The following SGCZ variants were observed in gnomAD, a reference collection of about 807,000 sequenced individuals.
SGCZ encodes the protein sarcoglycan zeta.
A neutral mutation model predicts 41.3 loss-of-function variants in SGCZ; 40 were observed. The observed-to-expected ratio is 0.97, with a 90% CI of 0.75 to 1.26. The LOEUF (loss-of-function observed/expected upper bound fraction) is 1.26, where lower values mean the gene tolerates loss of function less well. Ranked by LOEUF, SGCZ falls within the 50% of genes most tolerant of loss-of-function variation. The pLI, the probability that SGCZ is intolerant of heterozygous loss-of-function variation, is 0.00. For missense variants in SGCZ, 552 were observed against 369.8 expected (o/e 1.49, Z -4.04); for synonymous variants, 206 against 137.5 (o/e 1.50, Z -3.49).
intron 1 of SGCZ, among the ~76,000 whole-genome samples, chr8:14,890,477 C>T (rs1804970941): frequency 6.6e-6 from 1 of 152,184 alleles, no homozygotes; most frequent in Admixed American, 6.5e-5. Flanking sequence ...AAAGCCCTGA[C>T]TCTGCAATTC....
At chr8:14,986,474 C>T (rs562271071) in intron 1 of SGCZ, among the ~76,000 whole-genome samples, 2 of 152,146 alleles carry the variant, frequency 1.3e-5, no homozygotes, top group South Asian at 4.1e-4. Flanking sequence ...CATTTCAAAT[C>T]CCCAGCAGTA....
intron 5 of SGCZ, among the ~76,000 whole-genome samples, chr8:14,109,173 G>A (rs1343931567): frequency 2.0e-5 from 3 of 152,158 alleles, no homozygotes; most frequent in Non-Finnish European, 4.4e-5. Context: ...AAATTCTGGT[G>A]TTATAGTTGG....
At chr8:14,377,252 C>T (rs185038202) in intron 2 of SGCZ, among the ~76,000 whole-genome samples, 16 of 152,256 alleles carry the variant, frequency 1.1e-4, no homozygotes, top group South Asian at 8.3e-4. Context: ...TCCATAAAAA[C>T]CCTACACAGT....
chr8:14,545,659 G>T (rs1803603676), intron 2 of SGCZ, among the ~76,000 whole-genome samples: 1 of 151,992 alleles, frequency 6.6e-6, no homozygotes. Context: ...AAGGGCAAAT[G>T]GTTTTAATTT....
intron 2 of SGCZ, among the ~76,000 whole-genome samples, chr8:14,474,379 A>C (rs1801299838): frequency 6.6e-6 from 1 of 152,240 alleles, no homozygotes. Flanking sequence ...CTAAATCTAC[A>C]GAAACACACA....
intron 5 of SGCZ, among the ~76,000 whole-genome samples, chr8:14,137,608 G>C (rs948916223): frequency 6.6e-6 from 1 of 152,088 alleles, no homozygotes; most frequent in Non-Finnish European, 1.5e-5. Context: ...ATGACATGAA[G>C]TGAGAAGAGA....
chr8:14,095,797 TCTC>T (rs1462590512), intron 7 of SGCZ, among the ~76,000 whole-genome samples: 1 of 152,180 alleles, frequency 6.6e-6, no homozygotes, highest in African/African-American at 2.4e-5. Context: ...GGCTTGTAGT[TCTC>T]CTTGAAGAGG....
intron 1 of SGCZ, among the ~76,000 whole-genome samples, chr8:14,825,030 C>T (rs1274171561): frequency 2.0e-5 from 3 of 152,132 alleles, no homozygotes; most frequent in African/African-American, 7.2e-5. Flanking sequence ...GTTTCCCACA[C>T]TATACTAAAC....
At chr8:15,070,870 G>T (rs937539601) in intron 1 of SGCZ, among the ~76,000 whole-genome samples, 1 of 152,116 alleles carries the variant, frequency 6.6e-6, no homozygotes, top group Non-Finnish European at 1.5e-5. Context: ...AAACACTGAG[G>T]TGTTCATCTC....
chr8:14,692,805 C>T (rs1808840842), intron 1 of SGCZ, among the ~76,000 whole-genome samples: 1 of 152,172 alleles, frequency 6.6e-6, no homozygotes. Context: ...AATATTTCAT[C>T]TCCTAAAATA....
At chr8:14,932,923 G>A (rs182337917) in intron 1 of SGCZ, among the ~76,000 whole-genome samples, 20 of 152,048 alleles carry the variant, frequency 1.3e-4, no homozygotes, top group East Asian at 3.9e-4. Context: ...TCAAGAGGCC[G>A]TTATCTTAAG....
chr8:14,371,165 A>T (rs1803896227), intron 2 of SGCZ, among the ~76,000 whole-genome samples: 1 of 151,974 alleles, frequency 6.6e-6, no homozygotes, highest in African/African-American at 2.4e-5. Context: ...GGTTTTATTA[A>T]ATTTGGAATT....
chr8:14,522,484 C>T (rs1354527767), intron 2 of SGCZ, among the ~76,000 whole-genome samples: 1 of 151,776 alleles, frequency 6.6e-6, no homozygotes, highest in African/African-American at 2.4e-5. Flanking sequence ...TAAAATAATT[C>T]GTCTATTTCA....
chr8:14,769,818 C>T (rs1163149864), intron 1 of SGCZ, among the ~76,000 whole-genome samples: 1 of 90,052 alleles, frequency 1.1e-5, no homozygotes, highest in Non-Finnish European at 1.9e-5. Context: ...AAAAAAAACC[C>T]AGCAACAAAA....
At chr8:14,710,330 A>G (rs986845262) in intron 1 of SGCZ, among the ~76,000 whole-genome samples, 2 of 146,288 alleles carry the variant, frequency 1.4e-5, no homozygotes, top group Non-Finnish European at 3.0e-5. Flanking sequence ...AGATCGCGCC[A>G]CTGCACTCCA....
At chr8:14,169,552 C>A (rs1369252135) in intron 4 of SGCZ, among the ~76,000 whole-genome samples, 1 of 152,134 alleles carries the variant, frequency 6.6e-6, no homozygotes, top group Non-Finnish European at 1.5e-5. Flanking sequence ...GCTCCCAGGA[C>A]ATCCCTCTGC....
intron 1 of SGCZ, among the ~76,000 whole-genome samples, chr8:15,123,202 A>T (rs1013464965): frequency 6.6e-6 from 1 of 152,116 alleles, no homozygotes; most frequent in African/African-American, 2.4e-5. Flanking sequence ...GTAGCATCCT[A>T]AGTTTTTTCC....
At chr8:14,173,982 A>T (rs1027231597) in intron 4 of SGCZ, among the ~76,000 whole-genome samples, 1 of 152,106 alleles carries the variant, frequency 6.6e-6, no homozygotes, top group Non-Finnish European at 1.5e-5. Context: ...CTGCTAAGTA[A>T]ACCTCAAATC....
chr8:14,572,831 G>C (rs1385453751), intron 1 of SGCZ, among the ~76,000 whole-genome samples: 1 of 152,058 alleles, frequency 6.6e-6, no homozygotes, highest in South Asian at 2.1e-4. Context: ...ATAGAAACCA[G>C]ATTTTTAAAT....
Sources: allele counts gnomAD v4.1 joint callset (sites outside exome capture counted in the v4.1 genomes callset), GRCh38; gene constraint gnomAD v4.1.1; transcripts MANE v1.5; gene names NCBI Gene and HGNC (gene_info 2026-07-23, HGNC 2026-07-21).